OSMR: variants seen among roughly 807,000 people sequenced by gnomAD.
OSMR encodes the protein oncostatin-M-specific receptor subunit beta.
OSMR carries 81 observed loss-of-function variants against 99.9 expected under a neutral mutation model. The observed-to-expected ratio is 0.81, with a 90% CI of 0.68 to 0.97. OSMR has a LOEUF of 0.97. Ranked by LOEUF, OSMR falls within the 50% of genes least tolerant of loss-of-function variation. The pLI, the probability that OSMR is intolerant of heterozygous loss-of-function variation, is 0.00. For synonymous variants in OSMR, 406 were observed against 410.4 expected (o/e 0.99, Z 0.13); for missense variants, 1,099 against 1,153.4 (o/e 0.95, Z 0.68).
intron 1 of OSMR, among the ~76,000 whole-genome samples, chr5:38,847,897 C>G (rs186408572): frequency 3.5e-4 from 54 of 152,240 alleles, no homozygotes; most frequent in Middle Eastern, 3.4e-3. Flanking sequence ...CGCAGGGACC[C>G]GAGCCGCATT....
In OSMR at chr5:38,932,520, A is replaced by G. The variant is rs1746799903; in HGVS notation, c.2352A>G (p.Ser784=). The G allele has an allele frequency of 6.2e-7, 1 of 1,613,546 alleles. No homozygotes were observed. The highest frequency in any genetic ancestry group is 8.5e-7 in the Non-Finnish European group (1 of 1,179,466). The part of the protein sequence containing the change: ...IPDPYKSSIL[S]LIKFKENPHL... ...ACCCTTACAAGAGCAGCATCCTGTC[A>G]TTAATAAAATTCAAGGTAAATGTTG... Residue 784 remains serine, a synonymous_variant, in exon 17 of 18, where the codon TCA becomes TCG. Coordinates refer to ENST00000274276, the MANE Select transcript of OSMR (RefSeq NM_003999.3).
chr5:38,858,160 A>G (rs1441414130), intron 1 of OSMR, among the ~76,000 whole-genome samples: 1 of 152,140 alleles, frequency 6.6e-6, no homozygotes, highest in Non-Finnish European at 1.5e-5. Flanking sequence ...GAAATACACA[A>G]TATGTTGTTG....
Position 38,918,975 on chromosome 5 carries a change from T to C in OSMR, c.1498T>C (p.Cys500Arg). The C allele has an allele frequency of 6.2e-7, 1 of 1,614,160 alleles. No individual in the cohort carries two copies. The highest frequency in any genetic ancestry group is 8.5e-7 in the Non-Finnish European group (1 of 1,180,022). ...ANSTKLILDR[C>R]SYQICVIANN... Reference sequence around the variant, plus strand: ...CAGCACAAAACTAATCCTTGACAGGTGTTCCTACCAAATCTGCGTCATAGC... The same window carrying C: ...CAGCACAAAACTAATCCTTGACAGGCGTTCCTACCAAATCTGCGTCATAGC... The change falls in exon 11 of 18, where the codon TGT becomes CGT. Residue 500 changes from cysteine (C) to arginine (R), a missense_variant. By Grantham distance (180) the Cys-to-Arg change is radical. Transcript: ENST00000274276.
intron 1 of OSMR, among the ~76,000 whole-genome samples, chr5:38,852,031 C>T (rs767521469): frequency 5.9e-5 from 9 of 152,164 alleles, no homozygotes; most frequent in Non-Finnish European, 1.0e-4. Flanking sequence ...TGTAAATCAC[C>T]CAGTCTCTGG....
At chr5:38,887,005 A>G (rs1489655709) in intron 7 of OSMR, among the ~76,000 whole-genome samples, 1 of 152,210 alleles carries the variant, frequency 6.6e-6, no homozygotes, top group Non-Finnish European at 1.5e-5. Context: ...ATTATTGCCA[A>G]TTAAATGGCT....
intron 1 of OSMR, among the ~76,000 whole-genome samples, chr5:38,855,465 G>C (rs550248): frequency 0.73 from 110,548 of 151,930 alleles, 40,586 homozygotes; most frequent in Admixed American, 0.77. Context: ...ACCACCAGGT[G>C]TGTTACTCCC....
chr5:38,913,750 G>A (rs1017477356), intron 9 of OSMR, among the ~76,000 whole-genome samples: 1 of 152,220 alleles, frequency 6.6e-6, no homozygotes, highest in East Asian at 1.9e-4. Flanking sequence ...TTATTCTTTA[G>A]CTACCCCAGG....
In OSMR at chr5:38,910,409, T is replaced by C. The variant is rs114902554; in HGVS notation, c.1285+5906T>C. On this transcript the variant is annotated intron_variant, in intron 9 of 17. Transcript: ENST00000274276. ...CTCTCCACCCCAAAACAAATATACA[T>C]TATTCTCATCTGCACATGGCATATA... is the stretch of plus-strand genomic sequence containing the variant. Among the ~76,000 whole-genome samples, 663 of 152,256 alleles carry C rather than the reference T, an allele frequency of 4.4e-3. 6 individuals carry two copies. The highest frequency in any genetic ancestry group is 6.5e-3 in the Non-Finnish European group (444 of 68,026).
Position 38,942,079 on chromosome 5 carries a change from G to A in OSMR, c.75-2122G>A, listed in dbSNP as rs3749739. ...GGTAACTGAAACTCTTAAAACTGTG[G>A]TAATGAATCATGAACCCCTCAAAAG... On this transcript the variant is annotated intron_variant and NMD_transcript_variant, in intron 1 of 2. Transcript: ENST00000508882. 635 of 379,748 alleles carry A rather than the reference G, an allele frequency of 1.7e-3. 8 individuals are homozygous for A. The East Asian group carries it at 0.023, about 14-fold the overall frequency. The allele number at this position is 379,748 out of a possible 1,614,324, so 23.5% of individuals were successfully genotyped here.
At chr5:38,891,359 C>T (rs1744144582) in intron 7 of OSMR, among the ~76,000 whole-genome samples, 1 of 152,210 alleles carries the variant, frequency 6.6e-6, no homozygotes, top group Admixed American at 6.5e-5. Flanking sequence ...AGAGGACTGA[C>T]TAGACGCAGC....
intron 1 of OSMR, among the ~76,000 whole-genome samples, chr5:38,858,615 G>C (rs536015009): frequency 6.4e-4 from 97 of 152,134 alleles, no homozygotes; most frequent in African/African-American, 2.2e-3. Context: ...CTTTTCCTTT[G>C]AATAAATACC....
Position 38,925,099 on chromosome 5 carries a change from T to A in OSMR, c.2045-105T>A. On this transcript the variant is annotated intron_variant, in intron 14 of 17. Coordinates refer to ENST00000274276, the MANE Select transcript of OSMR (RefSeq NM_003999.3). ...TTTGGTATAAACATGTTGGTGGTGCTGAGTTAACAAGAGCATTAGTGTCCA... is the reference window on the plus strand; with the variant it reads ...TTTGGTATAAACATGTTGGTGGTGCAGAGTTAACAAGAGCATTAGTGTCCA... 3.2e-6 allele frequency: 5 copies of A among 1,553,254 alleles called. 1 individual carries two copies. The South Asian group carries it at 6.0e-5, about 19-fold the overall frequency.
At chr5:38,938,450 G>A, downstream of OSMR, 1 of 231,470 alleles carries the variant, frequency 4.3e-6, no homozygotes, top group Non-Finnish European at 8.6e-6. Flanking sequence ...AATCAACCAA[G>A]TAGCAAAATT....
At chr5:38,921,014 A>T (rs552361868) in intron 11 of OSMR, among the ~76,000 whole-genome samples, 1 of 152,304 alleles carries the variant, frequency 6.6e-6, no homozygotes, top group African/African-American at 2.4e-5. Flanking sequence ...CCTGTAACAC[A>T]TCTCAGAAGC....
At chr5:38,930,029 TTCCTCCAGCCCTTTC>T (rs1746651231) in intron 15 of OSMR, among the ~76,000 whole-genome samples, 1 of 152,188 alleles carries the variant, frequency 6.6e-6, no homozygotes, top group African/African-American at 2.4e-5. Flanking sequence ...CAGCCCACTT[TTCCTCCAGCCCTTTC>T]TCCTCCAGCC....
chr5:38,942,136 G>A (rs566878466), intron 1 of OSMR: 2 of 422,098 alleles, frequency 4.7e-6, no homozygotes, highest in South Asian at 2.1e-4. Context: ...AGTTGTTTTG[G>A]TTAGGAAAGT....
chr5:38,899,670 T>C (rs1744768004), intron 7 of OSMR, among the ~76,000 whole-genome samples: 1 of 152,176 alleles, frequency 6.6e-6, no homozygotes, highest in Admixed American at 6.5e-5. Context: ...ACAGGTTCTC[T>C]TCTGGCCCAG....
chr5:38,941,462 A>C (rs1747564728), intron 1 of OSMR: 2 of 231,698 alleles, frequency 8.6e-6, no homozygotes, highest in Non-Finnish European at 1.7e-5. Flanking sequence ...GTGCTTGTTC[A>C]AGTTCCTGTT....
chr5:38,907,016 C>A (rs1346695559), intron 9 of OSMR, among the ~76,000 whole-genome samples: 2 of 152,136 alleles, frequency 1.3e-5, no homozygotes, highest in African/African-American at 4.8e-5. Flanking sequence ...ATGCAGAAAT[C>A]ATATTTAAAA....
Sources: gnomAD v4.1 joint callset for allele counts (sites outside exome capture counted in the v4.1 genomes callset) on GRCh38, gnomAD v4.1.1 for gene constraint, MANE v1.5 for transcripts, NCBI Gene and HGNC (gene_info 2026-07-23, HGNC 2026-07-21) for gene names.